Variants in ZMIZ1 observed in about 807,000 individuals in gnomAD.
ZMIZ1 encodes zinc finger MIZ domain-containing protein 1.
A neutral mutation model predicts 113.9 loss-of-function variants in ZMIZ1; 17 were observed. The observed-to-expected ratio is 0.15, with a 90% CI of 0.10 to 0.22. The LOEUF (loss-of-function observed/expected upper bound fraction) is 0.22. Ranked by LOEUF, ZMIZ1 falls within the 10% of genes least tolerant of loss-of-function variation. The pLI, the probability that ZMIZ1 is intolerant of heterozygous loss-of-function variation, is 1.00. For missense variants in ZMIZ1, 1,059 were observed against 1,477.8 expected (o/e 0.72, Z 4.65); for synonymous variants, 607 against 603.1 (o/e 1.01, Z -0.09).
chr10:79,089,906 G>A (rs775552378), intron 1 of ZMIZ1, among the ~76,000 whole-genome samples: 30 of 152,274 alleles, frequency 2.0e-4, no homozygotes, highest in Admixed American at 3.3e-4. Context: ...GGGATGCGCC[G>A]GAGTGTAATT....
At chr10:79,071,913 T>G (rs1056586149) in intron 1 of ZMIZ1, among the ~76,000 whole-genome samples, 7 of 148,558 alleles carry the variant, frequency 4.7e-5, no homozygotes, top group Non-Finnish European at 7.4e-5. Context: ...AAACGCTGTT[T>G]TCACATGTAA....
chr10:79,209,195 G>A (rs994540468), intron 6 of ZMIZ1, among the ~76,000 whole-genome samples: 3 of 152,006 alleles, frequency 2.0e-5, no homozygotes, highest in African/African-American at 7.3e-5. Context: ...GGGGGCAGGA[G>A]TGCTCGGGGC....
chr10:79,284,167 C>T (rs1429533771), intron 8 of ZMIZ1, among the ~76,000 whole-genome samples: 1 of 152,204 alleles, frequency 6.6e-6, no homozygotes, highest in Non-Finnish European at 1.5e-5. Context: ...AGGCCTTGCT[C>T]ATTTTCTCAC....
At chr10:79,309,647 G>A (rs1854981304) in intron 23 of ZMIZ1, among the ~76,000 whole-genome samples, 1 of 152,224 alleles carries the variant, frequency 6.6e-6, no homozygotes, top group Admixed American at 6.5e-5. Flanking sequence ...CCATAGCAAG[G>A]CCTGGGAAAC....
chr10:79,115,690 T>C (rs1012691387), intron 1 of ZMIZ1, among the ~76,000 whole-genome samples: 1 of 152,152 alleles, frequency 6.6e-6, no homozygotes, highest in Non-Finnish European at 1.5e-5. Flanking sequence ...AGACCACATA[T>C]CTATTTAGGA....
Position 79,306,217 on chromosome 10 carries a change from C to G in ZMIZ1, c.2541C>G (p.Thr847=). 6.2e-7 allele frequency: 1 copy of G among 1,614,164 alleles called. No homozygotes were observed. ...PDGIPSKRFK[T]MSPSQMIMPN... is the part of the protein sequence containing the mutation. ...GCATCCCCTCCAAGCGGTTCAAGAC[C>G]ATGAGTCCCAGCCAGATGATCATGC... is the stretch of plus-strand genomic sequence containing the variant. The change falls in exon 22 of 25, where the codon ACC becomes ACG. Residue 847 remains threonine (T), a synonymous_variant. Transcript: ENST00000334512.
chr10:79,210,325 C>T (rs1284443308), intron 6 of ZMIZ1, among the ~76,000 whole-genome samples: 6 of 152,212 alleles, frequency 3.9e-5, no homozygotes, highest in Non-Finnish European at 8.8e-5. Flanking sequence ...GGCTCTGCCT[C>T]GGTCCTCTTG....
intron 6 of ZMIZ1, among the ~76,000 whole-genome samples, chr10:79,215,147 G>A (rs1848670999): frequency 6.6e-6 from 1 of 152,230 alleles, no homozygotes; most frequent in Non-Finnish European, 1.5e-5. Context: ...CCCAGGCTGA[G>A]CGTGGGAGTC....
At position 79,298,477 on chromosome 10, in the gene ZMIZ1, C is replaced by A. The variant is rs1384588579; in HGVS notation, c.1563C>A (p.Thr521=). Residue 521 remains threonine (T), a synonymous_variant, in exon 15 of 25, where the codon ACC becomes ACA. Coordinates refer to ENST00000334512, the MANE Select transcript of ZMIZ1 (RefSeq NM_020338.4). ...PVPGNPTPPM[T]PGSSIPPYLS... is the part of the protein sequence containing the mutation. ...CAGGGAACCCCACACCCCCCATGAC[C>A]CCTGGGAGCAGCATCCCTCCATACC... 5.6e-6 allele frequency: 9 copies of A among 1,606,180 alleles called. No individual in the cohort carries two copies. Among genetic ancestry groups the A allele is most frequent in the Non-Finnish European group, 7.6e-6 (9 of 1,176,592 alleles).
chr10:79,070,153 G>C (rs577105788), intron 1 of ZMIZ1, among the ~76,000 whole-genome samples: 2 of 151,760 alleles, frequency 1.3e-5, no homozygotes, highest in East Asian at 1.9e-4. Context: ...GGTCGGGGGG[G>C]GGAGGCGGGT....
chr10:79,205,297 G>C (rs1283627967), intron 5 of ZMIZ1, among the ~76,000 whole-genome samples: 3 of 152,170 alleles, frequency 2.0e-5, no homozygotes, highest in African/African-American at 7.2e-5. Context: ...GCTCACCCCT[G>C]CCCTGCCCTG....
rs897661246 is a variant in ZMIZ1, at chr10:79,315,829, A to G, written c.*3080A>G. 6.6e-6 allele frequency: 1 copy of G among 152,558 alleles called. No homozygotes were observed. The highest frequency in any genetic ancestry group is 2.4e-5 in the African/African-American group (1 of 41,336). The allele number at this position is 152,558 out of a possible 1,614,324, so 9.5% of individuals were successfully genotyped here. On this transcript the variant is annotated 3_prime_UTR_variant, in exon 25 of 25. Coordinates refer to ENST00000334512, the MANE Select transcript of ZMIZ1 (RefSeq NM_020338.4). ...TGCATTCATTTCTCTTGGAATGTGT[A>G]TTGTTTTTATTTTGCGAAACAAAAC...
At chr10:79,167,888 T>C (rs928660268) in intron 4 of ZMIZ1, among the ~76,000 whole-genome samples, 2 of 152,216 alleles carry the variant, frequency 1.3e-5, no homozygotes, top group African/African-American at 4.8e-5. Flanking sequence ...CCAAAGGTTG[T>C]GTCCTCCTAA....
At chr10:79,170,904 C>G (rs949905078) in intron 4 of ZMIZ1, among the ~76,000 whole-genome samples, 2 of 152,146 alleles carry the variant, frequency 1.3e-5, no homozygotes, top group Non-Finnish European at 2.9e-5. Flanking sequence ...CCCCGCCAGG[C>G]TTAAGCCCTC....
At chr10:79,255,562 G>A (rs1024610256) in intron 7 of ZMIZ1, among the ~76,000 whole-genome samples, 13 of 152,134 alleles carry the variant, frequency 8.5e-5, no homozygotes, top group East Asian at 3.9e-4. Flanking sequence ...GTCCCTGCCC[G>A]CTCCCCTCTT....
intron 7 of ZMIZ1, among the ~76,000 whole-genome samples, chr10:79,231,915 C>A (rs1220341103): frequency 3.3e-5 from 5 of 152,214 alleles, no homozygotes; most frequent in African/African-American, 1.2e-4. Flanking sequence ...CACTCCTGTG[C>A]AGCTAGTCCA....
intron 7 of ZMIZ1, among the ~76,000 whole-genome samples, chr10:79,218,426 G>A (rs1485986714): frequency 6.6e-6 from 1 of 152,130 alleles, no homozygotes; most frequent in Non-Finnish European, 1.5e-5. Flanking sequence ...AGTGAGTCAA[G>A]ATCGAGCCAC....
At chr10:79,294,845 C>T (rs1853763614) in intron 12 of ZMIZ1, 1 of 150,504 alleles carries the variant, frequency 6.6e-6, no homozygotes, top group African/African-American at 2.4e-5. Flanking sequence ...CCTTAAGTTC[C>T]TTGAAGATCT....
intron 3 of ZMIZ1, among the ~76,000 whole-genome samples, chr10:79,148,157 C>T (rs1845569282): frequency 1.3e-5 from 2 of 152,208 alleles, no homozygotes; most frequent in Non-Finnish European, 1.5e-5. Flanking sequence ...CTTTGACAAA[C>T]ATTTCCTGGC....
Sources: allele counts gnomAD v4.1 joint callset (sites outside exome capture counted in the v4.1 genomes callset), GRCh38; gene constraint gnomAD v4.1.1; transcripts MANE v1.5; gene names NCBI Gene and HGNC (gene_info 2026-07-23, HGNC 2026-07-21).